The following ITGBL1 variants were observed in gnomAD, a reference collection of about 807,000 sequenced individuals.
The protein encoded by ITGBL1 is integrin subunit beta like 1.
A neutral mutation model predicts 68.5 loss-of-function variants in ITGBL1; 51 were observed. The observed-to-expected ratio is 0.74, with a 90% CI of 0.59 to 0.94. ITGBL1 has a LOEUF of 0.94. ITGBL1 is among the 40% of genes least tolerant of loss of function. The probability of loss-of-function intolerance (pLI) is 0.00; values close to 1 mark genes in which losing one functional copy is unlikely to be tolerated. For missense variants in ITGBL1, 649 were observed against 647.4 expected (o/e 1.00, Z -0.03); for synonymous variants, 209 against 227.3 (o/e 0.92, Z 0.72).
chr13:101,546,911 T>C (rs965429834), intron 2 of ITGBL1, among the ~76,000 whole-genome samples: 2 of 152,006 alleles, frequency 1.3e-5, no homozygotes, highest in African/African-American at 2.4e-5. Flanking sequence ...AGCATAGCAA[T>C]GTGAAGGAAA....
At chr13:101,472,371 C>CA (rs2048473972) in intron 2 of ITGBL1, among the ~76,000 whole-genome samples, 1 of 152,162 alleles carries the variant, frequency 6.6e-6, no homozygotes, top group African/African-American at 2.4e-5. Context: ...TTTATATGCA[C>CA]ATTCAGTAAG....
chr13:101,461,446 C>A (rs994037957), intron 2 of ITGBL1, among the ~76,000 whole-genome samples: 3 of 152,124 alleles, frequency 2.0e-5, no homozygotes, highest in Non-Finnish European at 2.9e-5. Flanking sequence ...GTAATCCTAG[C>A]ACTTTGGGAA....
At chr13:101,653,870 GT>G (rs1156397350) in intron 7 of ITGBL1, among the ~76,000 whole-genome samples, 45 of 55,154 alleles carry the variant, frequency 8.2e-4, no homozygotes, top group East Asian at 3.9e-3. Context: ...TTTGTTTTTT[GT>G]TTTTTTTTTT....
chr13:101,551,528 T>G (rs917886334), intron 2 of ITGBL1, among the ~76,000 whole-genome samples: 1 of 152,044 alleles, frequency 6.6e-6, no homozygotes, highest in African/African-American at 2.4e-5. Context: ...GGAAGGAAGT[T>G]CAGGAAGGGA....
chr13:101,460,231 G>A (rs1187099796), intron 2 of ITGBL1, among the ~76,000 whole-genome samples: 1 of 152,050 alleles, frequency 6.6e-6, no homozygotes, highest in Non-Finnish European at 1.5e-5. Context: ...CTCTGAGTCG[G>A]AGGCACCAAG....
intron 2 of ITGBL1, among the ~76,000 whole-genome samples, chr13:101,467,177 T>C (rs1483721056): frequency 1.3e-5 from 2 of 152,076 alleles, no homozygotes; most frequent in African/African-American, 2.4e-5. Flanking sequence ...TACTGTCACG[T>C]TGGGGATTAG....
intron 1 of ITGBL1, among the ~76,000 whole-genome samples, chr13:101,453,659 T>G (rs745899642): frequency 1.1e-4 from 16 of 152,162 alleles, no homozygotes; most frequent in Admixed American, 5.2e-4. Flanking sequence ...CCATTACACA[T>G]TTTGGGCCCT....
intron 6 of ITGBL1, among the ~76,000 whole-genome samples, chr13:101,597,021 C>T (rs1306771803): frequency 6.6e-6 from 1 of 152,092 alleles, no homozygotes; most frequent in Non-Finnish European, 1.5e-5. Context: ...TTTACTCACA[C>T]TCATACAATG....
chr13:101,555,712 T>A (rs1250888721), intron 2 of ITGBL1, among the ~76,000 whole-genome samples: 1 of 152,172 alleles, frequency 6.6e-6, no homozygotes, highest in East Asian at 1.9e-4. Context: ...TTTATATAGA[T>A]AAAACATTGG....
At chr13:101,499,113 G>A (rs964525851) in intron 2 of ITGBL1, among the ~76,000 whole-genome samples, 1 of 152,128 alleles carries the variant, frequency 6.6e-6, no homozygotes, top group Admixed American at 6.5e-5. Context: ...AACCATATCA[G>A]TTTCTGAATG....
chr13:101,670,713 CA>C (rs2139501412), intron 7 of ITGBL1, among the ~76,000 whole-genome samples: 1 of 152,224 alleles, frequency 6.6e-6, no homozygotes, highest in East Asian at 1.9e-4. Context: ...AATTTCTAGT[CA>C]GGAAATTCTG....
intron 2 of ITGBL1, among the ~76,000 whole-genome samples, chr13:101,485,423 A>G (rs923883852): frequency 2.0e-5 from 3 of 152,056 alleles, no homozygotes; most frequent in Admixed American, 6.6e-5. Context: ...AACAGCTAAC[A>G]AACATATGAA....
At chr13:101,719,002 A>G (rs1055025157), downstream of ITGBL1, 3 of 152,096 alleles carry the variant, frequency 2.0e-5, no homozygotes, top group Non-Finnish European at 2.9e-5. Flanking sequence ...GATTTAGCCC[A>G]GTCGCTTTCC....
chr13:101,544,577 A>G (rs1447169035), intron 2 of ITGBL1, among the ~76,000 whole-genome samples: 1 of 152,112 alleles, frequency 6.6e-6, no homozygotes, highest in Non-Finnish European at 1.5e-5. Context: ...ACTCTTTTCA[A>G]AGCTATCAGA....
intron 7 of ITGBL1, among the ~76,000 whole-genome samples, chr13:101,671,680 C>T (rs953386041): frequency 2.6e-5 from 4 of 151,682 alleles, no homozygotes; most frequent in East Asian, 1.9e-4. Flanking sequence ...CCTCATGATC[C>T]GCCCACCTCT....
chr13:101,680,373 C>T (rs904460061), intron 7 of ITGBL1, among the ~76,000 whole-genome samples: 7 of 151,936 alleles, frequency 4.6e-5, no homozygotes, highest in African/African-American at 1.7e-4. Flanking sequence ...CTAATTACTC[C>T]CCAACTATTG....
chr13:101,705,303 A>C (rs1469732560), intron 8 of ITGBL1, among the ~76,000 whole-genome samples: 1 of 148,752 alleles, frequency 6.7e-6, no homozygotes, highest in Admixed American at 6.7e-5. Context: ...AAAAAAAAAA[A>C]AAAAAACAAC....
chr13:101,523,274 C>A (rs1285537747), intron 2 of ITGBL1, among the ~76,000 whole-genome samples: 2 of 152,130 alleles, frequency 1.3e-5, no homozygotes. Flanking sequence ...TAAGAGAAGG[C>A]CAGGCCTGGA....
rs1566759152 is a variant in ITGBL1, at chr13:101,615,074, CAAGGATCTAG to C, written c.1015+16776_1015+16785del. Among the ~76,000 whole-genome samples, 3 of 151,876 alleles carry C rather than the reference CAAGGATCTAG, an allele frequency of 2.0e-5. No individual in the cohort carries two copies. In the East Asian group the frequency reaches 5.8e-4, roughly 29 times the overall value. ...AATTGAAAAATGTCAGGATCCCTCC[CAAGGATCTAG>C]GAGAGAATCCTTCCTTGCTGTTTCT... On this transcript the variant is annotated intron_variant, in intron 7 of 10. Transcript: ENST00000376180.
Sources: allele counts gnomAD v4.1 joint callset (sites outside exome capture counted in the v4.1 genomes callset), GRCh38; gene constraint gnomAD v4.1.1; transcripts MANE v1.5; gene names NCBI Gene and HGNC (gene_info 2026-07-23, HGNC 2026-07-21).